Variants in KCNH7 observed in about 807,000 individuals in gnomAD.
KCNH7 encodes the protein voltage-gated inwardly rectifying potassium channel KCNH7.
Under a neutral mutation model 120.8 loss-of-function variants are expected in KCNH7, and 49 were observed. The observed-to-expected ratio is 0.41, with a 90% CI of 0.32 to 0.51. The LOEUF (loss-of-function observed/expected upper bound fraction) is 0.51. Ranked by LOEUF, KCNH7 falls within the 20% of genes least tolerant of loss-of-function variation. The pLI is 0.38. For missense variants in KCNH7, 1,097 were observed against 1,446.6 expected, an observed-to-expected ratio of 0.76 and a Z score of 3.92; for synonymous variants, 547 against 516.1, an observed-to-expected ratio of 1.06 and a Z score of -0.81.
chr2:162,477,473 G>C (rs1156799664), intron 6 of KCNH7, among the ~76,000 whole-genome samples: 2 of 152,152 alleles, frequency 1.3e-5, no homozygotes, highest in African/African-American at 4.8e-5. Flanking sequence ...TTTCCTGCAG[G>C]CTTCAGAGAT....
chr2:162,663,060 A>C (rs1685020383), intron 2 of KCNH7, among the ~76,000 whole-genome samples: 1 of 152,344 alleles, frequency 6.6e-6, no homozygotes, highest in South Asian at 2.1e-4. Context: ...TTAGGATGAA[A>C]GACAATCAAT....
intron 2 of KCNH7, among the ~76,000 whole-genome samples, chr2:162,603,788 C>A (rs748760542): frequency 6.6e-6 from 1 of 152,058 alleles, no homozygotes; most frequent in Non-Finnish European, 1.5e-5. Flanking sequence ...AGTGTATTCT[C>A]CTCCAAGAAT....
At position 162,425,240 on chromosome 2, in the gene KCNH7, A is replaced by T. The variant is rs530941085; in HGVS notation, c.1955-1705T>A. 5.3e-5 allele frequency among the ~76,000 whole-genome samples: 8 copies of T among 152,112 alleles called. No individual in the cohort carries two copies. In the East Asian group the frequency reaches 1.5e-3, roughly 29 times the overall value. On this transcript the variant is annotated intron_variant, in intron 8 of 15. Transcript: ENST00000332142. ...TTCAGCCTCTATAACTGTGCGAGCC[A>T]ATTTCTTCGAATAAATCTCTTTATA...
intron 2 of KCNH7, among the ~76,000 whole-genome samples, chr2:162,588,192 G>A (rs75925816): frequency 0.028 from 4,200 of 152,062 alleles, 217 homozygotes; most frequent in African/African-American, 0.097. Context: ...TCACACCTCT[G>A]AGTGTTACCC....
chr2:162,579,126 G>A (rs1457300243), intron 2 of KCNH7, among the ~76,000 whole-genome samples: 2 of 151,892 alleles, frequency 1.3e-5, no homozygotes, highest in African/African-American at 4.8e-5. Context: ...GGATCCTTGA[G>A]TCATATAAAT....
chr2:162,442,669 A>T (rs186453793), intron 7 of KCNH7, among the ~76,000 whole-genome samples: 9 of 152,142 alleles, frequency 5.9e-5, no homozygotes, highest in Admixed American at 5.9e-4. Flanking sequence ...ATCAGCCTGG[A>T]CAACATAGTG....
chr2:162,789,895 G>C lies in KCNH7; in HGVS notation c.307+46642C>G, dbSNP rs146807572. On this transcript the variant is annotated intron_variant, in intron 2 of 15. Transcript: ENST00000332142. ...GCAATGAACACCTATATTAAGAAAA[G>C]ATCTCAAATAAGCAACCTAACTTTA... Among the ~76,000 whole-genome samples, 473 of 151,728 alleles carry C rather than the reference G, an allele frequency of 3.1e-3. 2 individuals carry two copies. The highest frequency in any genetic ancestry group is 5.4e-3 in the Non-Finnish European group (365 of 67,774).
chr2:162,707,096 T>C (rs980521379), intron 2 of KCNH7, among the ~76,000 whole-genome samples: 2 of 152,148 alleles, frequency 1.3e-5, no homozygotes, highest in African/African-American at 4.8e-5. Context: ...AAGAACATCA[T>C]TTATTCTCTG....
chr2:162,524,643 A>G (rs1438522117), intron 3 of KCNH7, among the ~76,000 whole-genome samples: 1 of 151,998 alleles, frequency 6.6e-6, no homozygotes, highest in African/African-American at 2.4e-5. Context: ...TTGAAGCCTT[A>G]AAATCAGTGT....
At chr2:162,424,383 A>G (rs79016007) in intron 8 of KCNH7, among the ~76,000 whole-genome samples, 4,904 of 152,208 alleles carry the variant, frequency 0.032, 282 homozygotes, top group African/African-American at 0.11. Context: ...TTATATTTGT[A>G]TTTATTTCTA....
chr2:162,801,658 A>T (rs907573728), intron 2 of KCNH7, among the ~76,000 whole-genome samples: 7 of 151,864 alleles, frequency 4.6e-5, no homozygotes, highest in African/African-American at 1.7e-4. Context: ...TATGAAAAGT[A>T]AAATCATTGT....
chr2:162,703,787 TAGG>T (rs998247268), intron 2 of KCNH7, among the ~76,000 whole-genome samples: 13 of 152,228 alleles, frequency 8.5e-5, no homozygotes, highest in African/African-American at 2.9e-4. Context: ...ATCACAGTAC[TAGG>T]AGAATAACAG....
intron 2 of KCNH7, among the ~76,000 whole-genome samples, chr2:162,548,823 T>C (rs1225412974): frequency 2.6e-5 from 4 of 152,220 alleles, no homozygotes; most frequent in Non-Finnish European, 5.9e-5. Flanking sequence ...ACTGTGATGA[T>C]TAAATAAGCA....
chr2:162,568,406 T>C (rs771324120), intron 2 of KCNH7, among the ~76,000 whole-genome samples: 3 of 152,080 alleles, frequency 2.0e-5, no homozygotes, highest in Non-Finnish European at 4.4e-5. Flanking sequence ...ACCTTCTAGA[T>C]TTGTGTAAGT....
In KCNH7 at chr2:162,396,912, A is replaced by C; in HGVS notation, c.2441T>G (p.Leu814Arg). 6.2e-6 allele frequency: 10 copies of C among 1,610,678 alleles called. No homozygotes were observed. The highest frequency in any genetic ancestry group is 7.6e-6 in the Non-Finnish European group (9 of 1,177,818). Reference sequence around the variant, plus strand: ...ATTAGACTTTCCAGGTTTGGCATAAAGATGAACCATTTCTCCAAATATATC... The same window carrying C: ...ATTAGACTTTCCAGGTTTGGCATAACGATGAACCATTTCTCCAAATATATC... ...KNDIFGEMVH[L>R]YAKPGKSNAD... is the part of the protein sequence containing the mutation. The change falls in exon 11 of 16, where the codon CTT (leucine) becomes CGT (arginine). Residue 814 changes from leucine (L) to arginine (R), a missense_variant. Around this residue, in one of 8 missense-constraint regions of KCNH7, gnomAD observed 101 missense variants for 176.3 expected, o/e 0.57. Transcript: ENST00000332142.
In KCNH7 at chr2:162,808,539, T is replaced by A. The variant is rs565637335; in HGVS notation, c.307+27998A>T. Among the ~76,000 whole-genome samples the A allele has an allele frequency of 2.0e-5, 3 of 152,326 alleles. No individual in the cohort carries two copies. The South Asian group carries it at 6.2e-4, about 32-fold the overall frequency. Reference sequence around the variant, plus strand: ...TACTAAATTTGTATTAACTTTTAAGTGATTTTTAAATTTAAAAACTGTCAA... The same window carrying A: ...TACTAAATTTGTATTAACTTTTAAGAGATTTTTAAATTTAAAAACTGTCAA... On this transcript the variant is annotated intron_variant, in intron 2 of 15. Coordinates refer to ENST00000332142, the MANE Select transcript of KCNH7 (RefSeq NM_033272.4).
At chr2:162,459,309 A>G (rs1051186184) in intron 6 of KCNH7, among the ~76,000 whole-genome samples, 1 of 152,152 alleles carries the variant, frequency 6.6e-6, no homozygotes, top group Admixed American at 6.6e-5. Context: ...TAGCTTAAAG[A>G]GAAAGAGCCT....
intron 2 of KCNH7, among the ~76,000 whole-genome samples, chr2:162,689,133 C>T (rs75629066): frequency 0.14 from 20,475 of 149,616 alleles, 1,585 homozygotes; most frequent in East Asian, 0.36. Context: ...TATTGTATTA[C>T]ATTTAGTTAC....
At chr2:162,753,514 G>T (rs1168481909) in intron 2 of KCNH7, among the ~76,000 whole-genome samples, 1 of 152,118 alleles carries the variant, frequency 6.6e-6, no homozygotes, top group Non-Finnish European at 1.5e-5. Context: ...TGAAAACTCT[G>T]GGTGTTCTAT....
Sources: allele counts gnomAD v4.1 joint callset (sites outside exome capture counted in the v4.1 genomes callset), GRCh38; gene constraint gnomAD v4.1.1; regional missense constraint gnomAD v4.1.1; transcripts MANE v1.5; gene names NCBI Gene and HGNC (gene_info 2026-07-23, HGNC 2026-07-21).